Variants in SLC10A7 observed in about 807,000 individuals in gnomAD.
SLC10A7 encodes solute carrier family 10 member 7.
Under a neutral mutation model 43.2 loss-of-function variants are expected in SLC10A7, and 29 were observed. That is an observed-to-expected ratio of 0.67 (90% CI 0.50 to 0.92). The LOEUF (loss-of-function observed/expected upper bound fraction) is 0.92. Among genes scored for constraint, SLC10A7 ranks in the 40% least tolerant of loss-of-function variants. SLC10A7 has a pLI of 0.00. For synonymous variants in SLC10A7, 152 were observed against 144.8 expected (o/e 1.05, Z -0.35); for missense variants, 295 against 403.2 (o/e 0.73, Z 2.30).
chr4:146,317,225 T>C lies in SLC10A7; in HGVS notation c.471+8736A>G, dbSNP rs150763638. ...TTAAAAATAGCTCCAACCCAACTTT[T>C]TGGACAGATGCATCCATTCATTTGT... is the stretch of plus-strand genomic sequence containing the variant. On this transcript the variant is annotated intron_variant, in intron 6 of 11. Transcript: ENST00000335472. Among the ~76,000 whole-genome samples, 433 of 152,220 alleles carry C rather than the reference T, an allele frequency of 2.8e-3. 1 individual carries two copies. The highest frequency in any genetic ancestry group is 4.3e-3 in the Non-Finnish European group (289 of 67,982).
At chr4:146,262,901 A>G (rs1401366496) in intron 10 of SLC10A7, among the ~76,000 whole-genome samples, 2 of 152,198 alleles carry the variant, frequency 1.3e-5, no homozygotes, top group Non-Finnish European at 2.9e-5. Flanking sequence ...CACACAGGAG[A>G]GATCCCTAAG....
At chr4:146,349,319 T>A (rs2149739727) in intron 5 of SLC10A7, among the ~76,000 whole-genome samples, 1 of 152,268 alleles carries the variant, frequency 6.6e-6, no homozygotes, top group Non-Finnish European at 1.5e-5. Flanking sequence ...AGACACCATC[T>A]CACACCAGTC....
chr4:146,305,897 A>G (rs1400534215), intron 7 of SLC10A7, 29 bp downstream of exon 7: 6 of 1,544,102 alleles, frequency 3.9e-6, no homozygotes, highest in Non-Finnish European at 5.3e-6. Context: ...ATCCATAAAG[A>G]AAAGATCAGA....
intron 1 of SLC10A7, among the ~76,000 whole-genome samples, chr4:146,518,667 C>T (rs1171825412): frequency 6.6e-6 from 1 of 151,898 alleles, no homozygotes; most frequent in Non-Finnish European, 1.5e-5. Flanking sequence ...TTAGGAGGGA[C>T]ATTAATCCAA....
At chr4:146,313,880 C>A (rs1247458106) in intron 6 of SLC10A7, among the ~76,000 whole-genome samples, 1 of 152,094 alleles carries the variant, frequency 6.6e-6, no homozygotes, top group Non-Finnish European at 1.5e-5. Context: ...TTCTTGTTTG[C>A]CCAAATACGT....
At chr4:146,271,792 T>C (rs185779445) in intron 10 of SLC10A7, among the ~76,000 whole-genome samples, 27 of 152,288 alleles carry the variant, frequency 1.8e-4, no homozygotes, top group Admixed American at 1.7e-3. Context: ...TCCTCCAACA[T>C]GCCAAGCGCA....
chr4:146,293,803 T>C (rs551851091), intron 8 of SLC10A7, 127 bp downstream of exon 8: 3 of 547,428 alleles, frequency 5.5e-6, no homozygotes, highest in East Asian at 6.0e-5. Context: ...TGAGTAAATG[T>C]AAAATAAAAT....
In SLC10A7 at chr4:146,505,465, T is replaced by A. The variant is rs567614784; in HGVS notation, c.321-1541A>T. 2.1e-3 allele frequency among the ~76,000 whole-genome samples: 322 copies of A among 152,124 alleles called. 3 individuals carry two copies. The highest frequency in any genetic ancestry group is 3.7e-3 in the Non-Finnish European group (249 of 68,004). Reference sequence around the variant, plus strand: ...TAATAGTAGTTAAGTTTTTGGGGAGTCAAAAGTTATATGTGGATTTTCAAC... The same window carrying A: ...TAATAGTAGTTAAGTTTTTGGGGAGACAAAAGTTATATGTGGATTTTCAAC... On this transcript the variant is annotated intron_variant, in intron 3 of 11. Coordinates refer to ENST00000335472, the MANE Select transcript of SLC10A7 (RefSeq NM_001029998.6).
In SLC10A7 at chr4:146,426,702, C is replaced by T. The variant is rs1468748948; in HGVS notation, c.435+16081G>A. Among the ~76,000 whole-genome samples, 8 of 152,042 alleles carry T rather than the reference C, an allele frequency of 5.3e-5. No homozygotes were observed. The East Asian group carries it at 1.2e-3, about 22-fold the overall frequency. The stretch of plus-strand genomic sequence containing the variant: ...CATACTGGCTAATACGGTGAAACCC[C>T]GTCTCTATTAAAAAATACAAAAATT... On this transcript the variant is annotated intron_variant, in intron 5 of 11. Coordinates refer to ENST00000335472, the MANE Select transcript of SLC10A7 (RefSeq NM_001029998.6).
At chr4:146,481,176 G>T (rs895538038) in intron 4 of SLC10A7, among the ~76,000 whole-genome samples, 2 of 152,112 alleles carry the variant, frequency 1.3e-5, no homozygotes, top group Non-Finnish European at 2.9e-5. Context: ...GCTTTCTGGG[G>T]CTAAGCAGAT....
chr4:146,269,526 C>A (rs1219399673), intron 10 of SLC10A7, among the ~76,000 whole-genome samples: 3 of 152,174 alleles, frequency 2.0e-5, no homozygotes. Flanking sequence ...TGTTCACACT[C>A]ACAGGATGTG....
chr4:146,512,633 C>A (rs759754969), intron 2 of SLC10A7, among the ~76,000 whole-genome samples: 1 of 152,146 alleles, frequency 6.6e-6, no homozygotes, highest in Non-Finnish European at 1.5e-5. Context: ...CTATAGAGAG[C>A]AACCTGGCAA....
intron 5 of SLC10A7, among the ~76,000 whole-genome samples, chr4:146,347,695 T>G (rs1278269544): frequency 6.6e-6 from 1 of 152,198 alleles, no homozygotes; most frequent in Non-Finnish European, 1.5e-5. Context: ...AAACCCTCAC[T>G]GTATAGTAAT....
At chr4:146,502,583 C>T (rs1221339677) in intron 4 of SLC10A7, among the ~76,000 whole-genome samples, 1 of 151,812 alleles carries the variant, frequency 6.6e-6, no homozygotes, top group Non-Finnish European at 1.5e-5. Context: ...ACAGTAAATG[C>T]TCATAGCCAA....
At chr4:146,398,554 C>G (rs545795391) in intron 5 of SLC10A7, among the ~76,000 whole-genome samples, 1 of 152,140 alleles carries the variant, frequency 6.6e-6, no homozygotes, top group Non-Finnish European at 1.5e-5. Context: ...GACCAGTGAT[C>G]AGGAAGTCCT....
chr4:146,517,921 T>C (rs912549651), intron 1 of SLC10A7, among the ~76,000 whole-genome samples: 2 of 152,190 alleles, frequency 1.3e-5, no homozygotes, highest in African/African-American at 4.8e-5. Context: ...TATTGAGCAC[T>C]TGCTATGTGA....
In SLC10A7 at chr4:146,278,004, T is replaced by A. The variant is rs558638810; in HGVS notation, c.847+5188A>T. ...AATAATTTTCTTTTTAAACAATTAA[T>A]AAAACAATTCAAACCCATGCGAAGA... On this transcript the variant is annotated intron_variant, in intron 10 of 11. Coordinates refer to ENST00000335472, the MANE Select transcript of SLC10A7 (RefSeq NM_001029998.6). Among the ~76,000 whole-genome samples, 3 of 152,254 alleles carry A rather than the reference T, an allele frequency of 2.0e-5. No individual in the cohort carries two copies. In the South Asian group the frequency reaches 6.2e-4, roughly 32 times the overall value.
chr4:146,371,866 GT>G (rs956336579), intron 5 of SLC10A7, among the ~76,000 whole-genome samples: 6 of 152,136 alleles, frequency 3.9e-5, no homozygotes, highest in Admixed American at 3.3e-4. Flanking sequence ...TATTAGAGAA[GT>G]CCAGATGGTT....
At chr4:146,476,111 A>G (rs1734001906) in intron 4 of SLC10A7, among the ~76,000 whole-genome samples, 1 of 152,218 alleles carries the variant, frequency 6.6e-6, no homozygotes, top group Admixed American at 6.5e-5. Context: ...GAAGAAAACT[A>G]AATAAAACAT....
Sources: gnomAD v4.1 joint callset for allele counts (sites outside exome capture counted in the v4.1 genomes callset) on GRCh38, gnomAD v4.1.1 for gene constraint, MANE v1.5 for transcripts, NCBI Gene and HGNC (gene_info 2026-07-23, HGNC 2026-07-21) for gene names.